NOL4: variants seen among roughly 807,000 people sequenced by gnomAD.
NOL4 encodes the protein cancer/testis antigen 125.
A neutral mutation model predicts 75.9 loss-of-function variants in NOL4; 17 were observed. The observed-to-expected ratio is 0.22, with a 90% CI of 0.15 to 0.34. The LOEUF (loss-of-function observed/expected upper bound fraction) is 0.34, where lower values mean the gene tolerates loss of function less well. Among genes scored for constraint, NOL4 ranks in the 10% least tolerant of loss-of-function variants. NOL4 has a pLI of 1.00. For missense variants in NOL4, 614 were observed against 793.5 expected, an observed-to-expected ratio of 0.77 and a Z score of 2.72; for synonymous variants, 292 against 289.9, an observed-to-expected ratio of 1.01 and a Z score of -0.07.
chr18:34,191,638 T>C (rs1403495067), intron 1 of NOL4, among the ~76,000 whole-genome samples: 1 of 152,144 alleles, frequency 6.6e-6, no homozygotes, highest in Non-Finnish European at 1.5e-5. Context: ...TTTATTCTTT[T>C]AATCTCTTTA....
rs542082389 is a variant in NOL4, at chr18:34,139,907, T to C, written c.265-9887A>G. Among the ~76,000 whole-genome samples, 138 of 152,306 alleles carry C rather than the reference T, an allele frequency of 9.1e-4. 1 individual carries two copies. Among genetic ancestry groups the C allele is most frequent in the African/African-American group, 3.2e-3 (132 of 41,564 alleles). On this transcript the variant is annotated intron_variant, in intron 1 of 10. Coordinates refer to ENST00000261592, the MANE Select transcript of NOL4 (RefSeq NM_003787.5). Reference sequence around the variant, plus strand: ...TTGTTCTCATTGGTTTCCAAGAACATCTTTATTTCTGCCTTCATTTTGTTA... The same window carrying C: ...TTGTTCTCATTGGTTTCCAAGAACACCTTTATTTCTGCCTTCATTTTGTTA...
intron 1 of NOL4, among the ~76,000 whole-genome samples, chr18:34,194,457 A>AGGC (rs2035170822): frequency 2.1e-5 from 3 of 146,206 alleles, no homozygotes; most frequent in African/African-American, 7.6e-5. Context: ...GGAAGGAAGG[A>AGGC]AGGCAGGCAG....
chr18:34,072,394 A>C (rs2077562002), intron 5 of NOL4, among the ~76,000 whole-genome samples: 1 of 151,418 alleles, frequency 6.6e-6, no homozygotes, highest in Admixed American at 6.6e-5. Context: ...GGTCAATTTA[A>C]TAGGAAGACA....
At chr18:33,869,657 T>G (rs568519293) in intron 10 of NOL4, among the ~76,000 whole-genome samples, 1 of 152,164 alleles carries the variant, frequency 6.6e-6, no homozygotes, top group Non-Finnish European at 1.5e-5. Flanking sequence ...CATAAGATAT[T>G]TTTTATGTTA....
intron 10 of NOL4, among the ~76,000 whole-genome samples, chr18:33,882,153 T>C (rs1278992514): frequency 6.6e-6 from 1 of 152,186 alleles, no homozygotes; most frequent in Admixed American, 6.5e-5. Flanking sequence ...GGACAAGGAC[T>C]TCATGTCTAA....
At chr18:34,109,078 C>T (rs572447213) in intron 2 of NOL4, among the ~76,000 whole-genome samples, 15 of 152,008 alleles carry the variant, frequency 9.9e-5, no homozygotes, top group African/African-American at 3.1e-4. Flanking sequence ...ATAAAAAACA[C>T]ACTCCTGAGC....
At chr18:33,918,093 C>T (rs547898060) in intron 9 of NOL4, among the ~76,000 whole-genome samples, 5 of 152,220 alleles carry the variant, frequency 3.3e-5, no homozygotes, top group Non-Finnish European at 7.4e-5. Flanking sequence ...AACGTGTTTA[C>T]CTATTAATAT....
intron 9 of NOL4, among the ~76,000 whole-genome samples, chr18:33,888,793 C>T (rs574792009): frequency 3.3e-4 from 50 of 152,202 alleles, no homozygotes; most frequent in Middle Eastern, 6.8e-3. Context: ...TGTTTTGGTA[C>T]TAATACCATG....
intron 1 of NOL4, among the ~76,000 whole-genome samples, chr18:34,177,670 C>T (rs2146307994): frequency 6.6e-6 from 1 of 151,660 alleles, no homozygotes; most frequent in East Asian, 1.9e-4. Flanking sequence ...ATTAGGAAGG[C>T]CAAAGCAATG....
At chr18:34,131,593 G>T (rs531365329) in intron 1 of NOL4, among the ~76,000 whole-genome samples, 55 of 152,050 alleles carry the variant, frequency 3.6e-4, no homozygotes, top group African/African-American at 1.2e-3. Flanking sequence ...AACTGAGAGG[G>T]TTCCTTTGCT....
At chr18:33,981,907 G>A (rs943481658) in intron 6 of NOL4, among the ~76,000 whole-genome samples, 20 of 152,068 alleles carry the variant, frequency 1.3e-4, no homozygotes, top group Non-Finnish European at 2.6e-4. Flanking sequence ...TAAGAGAAGT[G>A]AGGGAAGAAT....
intron 10 of NOL4, among the ~76,000 whole-genome samples, chr18:33,872,208 C>G (rs2063732060): frequency 6.6e-6 from 1 of 151,934 alleles, no homozygotes; most frequent in Non-Finnish European, 1.5e-5. Flanking sequence ...AGCTTGCTTT[C>G]CTTAAACATT....
At chr18:34,061,518 C>T (rs912775848) in intron 5 of NOL4, among the ~76,000 whole-genome samples, 6 of 152,016 alleles carry the variant, frequency 3.9e-5, no homozygotes, top group African/African-American at 1.2e-4. Flanking sequence ...TAAAATATTA[C>T]CTAAAAGGTC....
chr18:33,932,617 G>A (rs771327275), intron 9 of NOL4, among the ~76,000 whole-genome samples: 11 of 151,958 alleles, frequency 7.2e-5, no homozygotes, highest in Non-Finnish European at 1.2e-4. Context: ...TGAGGTGGTG[G>A]AATTACTAGT....
intron 5 of NOL4, among the ~76,000 whole-genome samples, chr18:34,035,606 A>G (rs781605712): frequency 6.6e-5 from 10 of 151,980 alleles, no homozygotes; most frequent in Non-Finnish European, 1.5e-4. Context: ...AACTAAGCCC[A>G]AAAACAGCAA....
intron 3 of NOL4, among the ~76,000 whole-genome samples, chr18:34,104,526 G>A (rs573627053): frequency 2.7e-4 from 41 of 151,752 alleles, no homozygotes; most frequent in African/African-American, 9.4e-4. Flanking sequence ...TTGGCCATTC[G>A]ATTTAACCTT....
intron 9 of NOL4, among the ~76,000 whole-genome samples, chr18:33,931,755 T>C (rs1336732534): frequency 6.6e-6 from 1 of 151,886 alleles, no homozygotes; most frequent in Non-Finnish European, 1.5e-5. Flanking sequence ...AAAAAGAAAA[T>C]TAATAAAAAT....
intron 2 of NOL4, among the ~76,000 whole-genome samples, chr18:34,106,970 C>T (rs1280140927): frequency 2.0e-5 from 3 of 152,036 alleles, no homozygotes; most frequent in African/African-American, 7.2e-5. Flanking sequence ...TAGGTAAAGG[C>T]TCCATTGGTT....
intron 6 of NOL4, among the ~76,000 whole-genome samples, chr18:33,965,826 G>A (rs373044968): frequency 7.7e-4 from 117 of 152,054 alleles, no homozygotes; most frequent in African/African-American, 2.4e-3. Context: ...TCTTGGGTAC[G>A]TCTTTATTAG....
Sources: gnomAD v4.1 joint callset for allele counts (sites outside exome capture counted in the v4.1 genomes callset) on GRCh38, gnomAD v4.1.1 for gene constraint, MANE v1.5 for transcripts, NCBI Gene and HGNC (gene_info 2026-07-23, HGNC 2026-07-21) for gene names.